CDH18: variants seen among roughly 807,000 people sequenced by gnomAD.
CDH18 encodes the protein cadherin-18.
In CDH18, 31 loss-of-function variants were observed where a neutral mutation model predicts 67.9. The observed-to-expected ratio is 0.46, with a 90% CI of 0.34 to 0.62. The LOEUF (loss-of-function observed/expected upper bound fraction) is 0.62, where lower values mean the gene tolerates loss of function less well. CDH18 is among the 20% of genes least tolerant of loss of function. CDH18 has a pLI of 0.01. For synonymous variants in CDH18, 362 were observed against 347.2 expected, an observed-to-expected ratio of 1.04 and a Z score of -0.48; for missense variants, 890 against 975.5, an observed-to-expected ratio of 0.91 and a Z score of 1.17.
intron 2 of CDH18, among the ~76,000 whole-genome samples, chr5:20,249,030 C>T (rs748030250): frequency 6.6e-6 from 1 of 151,964 alleles, no homozygotes; most frequent in Non-Finnish European, 1.5e-5. Context: ...TTAAGAAAGT[C>T]ATATAGAAAT....
At chr5:19,528,222 A>G (rs1167381624) in intron 9 of CDH18, among the ~76,000 whole-genome samples, 4 of 151,888 alleles carry the variant, frequency 2.6e-5, no homozygotes, top group East Asian at 3.9e-4. Context: ...CTATTTGTGT[A>G]TAACGCCTGT....
intron 1 of CDH18, among the ~76,000 whole-genome samples, chr5:20,482,958 A>G (rs1752918405): frequency 6.6e-6 from 1 of 152,074 alleles, no homozygotes; most frequent in South Asian, 2.1e-4. Flanking sequence ...AAAAAAATAA[A>G]TAGTATCCAA....
rs71597981 is a variant in CDH18 at position 19,690,083 on chromosome 5, G to GTA, written c.643+31262_643+31263dup. Among the ~76,000 whole-genome samples the GTA allele has an allele frequency of 8.0e-3, 1,192 of 149,292 alleles. 10 individuals are homozygous for GTA. The highest frequency in any genetic ancestry group is 0.027 in the African/African-American group (1,096 of 40,788). On this transcript the variant is annotated intron_variant, in intron 5 of 12. Coordinates refer to ENST00000382275, the MANE Select transcript of CDH18 (RefSeq NM_004934.5). Reference sequence around the variant, plus strand: ...GTGTATATATTATATATGTGTGTGTGTATATATATATATACATATATATAA... The same window carrying GTA: ...GTGTATATATTATATATGTGTGTGTGTATATATATATATATACATATATATAA...
intron 1 of CDH18, among the ~76,000 whole-genome samples, chr5:20,319,558 A>C (rs868594524): frequency 3.3e-5 from 5 of 152,132 alleles, no homozygotes; most frequent in Non-Finnish European, 7.4e-5. Context: ...TTAACACATT[A>C]TTTGTTTCAG....
intron 1 of CDH18, among the ~76,000 whole-genome samples, chr5:20,283,618 C>T (rs962443300): frequency 1.3e-5 from 2 of 151,904 alleles, no homozygotes; most frequent in African/African-American, 2.4e-5. Flanking sequence ...TGGTTAAGTA[C>T]GTAGAGAAAA....
At chr5:19,556,708 A>T (rs937132527) in intron 8 of CDH18, among the ~76,000 whole-genome samples, 2 of 152,180 alleles carry the variant, frequency 1.3e-5, no homozygotes, top group East Asian at 3.9e-4. Context: ...CATTTGAGGG[A>T]ATAATTGCAG....
At chr5:19,643,889 T>C (rs534262401) in intron 5 of CDH18, among the ~76,000 whole-genome samples, 2 of 152,266 alleles carry the variant, frequency 1.3e-5, no homozygotes, top group East Asian at 1.9e-4. Context: ...ATAAGTTAGT[T>C]TGATCGTGAT....
chr5:19,524,896 C>T (rs558426867), intron 9 of CDH18, among the ~76,000 whole-genome samples: 3 of 152,258 alleles, frequency 2.0e-5, no homozygotes, highest in Admixed American at 6.5e-5. Context: ...CAGGCGCCCG[C>T]CACCACGCCC....
At chr5:19,922,594 T>G (rs537711658) in intron 2 of CDH18, among the ~76,000 whole-genome samples, 1 of 152,340 alleles carries the variant, frequency 6.6e-6, no homozygotes, top group East Asian at 1.9e-4. Context: ...CTTTGTTGGC[T>G]TGTGACAGAA....
chr5:20,497,442 C>G (rs1217133849), intron 1 of CDH18, among the ~76,000 whole-genome samples: 1 of 152,044 alleles, frequency 6.6e-6, no homozygotes, highest in Non-Finnish European at 1.5e-5. Flanking sequence ...CATTGTGTTA[C>G]AATTGTTTAC....
chr5:20,372,210 A>G (rs13157904), intron 1 of CDH18, among the ~76,000 whole-genome samples: 66,286 of 152,048 alleles, frequency 0.44, 16,816 homozygotes, highest in Middle Eastern at 0.66. Flanking sequence ...AGAGATTACT[A>G]TATTTTTAAA....
intron 3 of CDH18, among the ~76,000 whole-genome samples, chr5:19,838,007 C>T (rs1781874743): frequency 6.6e-6 from 1 of 152,134 alleles, no homozygotes; most frequent in Admixed American, 6.6e-5. Flanking sequence ...ATGTTACTGA[C>T]CACAAAATTT....
chr5:19,637,064 T>C (rs566719355), intron 5 of CDH18, among the ~76,000 whole-genome samples: 1 of 152,280 alleles, frequency 6.6e-6, no homozygotes, highest in African/African-American at 2.4e-5. Flanking sequence ...AGGGAAAAAT[T>C]AAACTAGTGC....
At chr5:19,551,309 T>G (rs1484321713) in intron 8 of CDH18, among the ~76,000 whole-genome samples, 1 of 152,202 alleles carries the variant, frequency 6.6e-6, no homozygotes. Context: ...TCACAGATTC[T>G]TAGCCTTGTT....
chr5:19,839,254 A>G lies in CDH18; in HGVS notation c.-256-12T>C, dbSNP rs1288694616. Reference sequence around the variant, plus strand: ...CAACCATTTTCAACCTAATGGAAAGAGAAAATTATATGTGTTACAAAACAC... The same window carrying G: ...CAACCATTTTCAACCTAATGGAAAGGGAAAATTATATGTGTTACAAAACAC... On this transcript the variant is annotated splice_polypyrimidine_tract_variant and intron_variant, in intron 2 of 12. Coordinates refer to ENST00000382275, the MANE Select transcript of CDH18 (RefSeq NM_004934.5). The G allele has an allele frequency of 2.4e-6, 1 of 411,118 alleles. No individual in the cohort carries two copies. Among genetic ancestry groups the G allele is most frequent in the African/African-American group, 2.0e-5 (1 of 50,274 alleles). 25.5% of individuals were successfully genotyped at this position (411,118 alleles called of 1,614,324 possible).
At chr5:19,835,155 A>G (rs1350847697) in intron 3 of CDH18, among the ~76,000 whole-genome samples, 1 of 152,224 alleles carries the variant, frequency 6.6e-6, no homozygotes, top group Non-Finnish European at 1.5e-5. Context: ...AATTAAGAAA[A>G]TGTGGTACAT....
At chr5:20,333,891 T>C (rs916263176) in intron 1 of CDH18, among the ~76,000 whole-genome samples, 27 of 86,832 alleles carry the variant, frequency 3.1e-4, no homozygotes, top group Non-Finnish European at 6.8e-4. Flanking sequence ...TTTGAAGGGC[T>C]AAAAAGACAT....
chr5:20,365,429 G>C (rs138936249), intron 1 of CDH18, among the ~76,000 whole-genome samples: 1 of 152,096 alleles, frequency 6.6e-6, no homozygotes, highest in Non-Finnish European at 1.5e-5. Flanking sequence ...CTGATCTGCC[G>C]TGGGAAGAAG....
intron 2 of CDH18, among the ~76,000 whole-genome samples, chr5:20,073,446 C>T (rs1025412766): frequency 6.6e-6 from 1 of 151,920 alleles, no homozygotes; most frequent in Non-Finnish European, 1.5e-5. Context: ...GCATTTTGAA[C>T]CAGAATTTTT....
Sources: allele counts gnomAD v4.1 joint callset (sites outside exome capture counted in the v4.1 genomes callset), GRCh38; gene constraint gnomAD v4.1.1; transcripts MANE v1.5; gene names NCBI Gene and HGNC (gene_info 2026-07-23, HGNC 2026-07-21).